The following LAMB1 variants were observed in gnomAD, a reference collection of about 807,000 sequenced individuals.
LAMB1 encodes the protein laminin subunit beta 1.
Under a neutral mutation model 222.3 loss-of-function variants are expected in LAMB1, and 121 were observed. The ratio of observed to expected loss-of-function variants is 0.54; its 90% CI spans 0.47 to 0.63. The LOEUF is 0.63. LAMB1 is among the 30% of genes least tolerant of loss of function. The probability of loss-of-function intolerance (pLI) is 0.00; values close to 1 mark genes in which losing one functional copy is unlikely to be tolerated. For synonymous variants in LAMB1, 794 were observed against 807.2 expected (o/e 0.98, Z 0.28); for missense variants, 2,172 against 2,240.8 (o/e 0.97, Z 0.62).
At position 107,957,534 on chromosome 7, in the gene LAMB1, G is replaced by C. The variant is rs143326500; in HGVS notation, c.2690+1715C>G. ...CTGTACTTCAGCCTGGGCAACAAGA[G>C]CAAAACTCCGTCTCAAAAAAATTTT... On this transcript the variant is annotated intron_variant, in intron 20 of 33. Transcript: ENST00000222399. 3.7e-3 allele frequency among the ~76,000 whole-genome samples: 568 copies of C among 152,320 alleles called. 1 individual carries two copies. Among genetic ancestry groups the C allele is most frequent in the Non-Finnish European group, 5.6e-3 (382 of 68,024 alleles).
chr7:107,994,519 A>T (rs2034248173), intron 5 of LAMB1, among the ~76,000 whole-genome samples: 1 of 152,204 alleles, frequency 6.6e-6, no homozygotes. Flanking sequence ...CTTCCTTTCC[A>T]GTTACCAAAG....
At chr7:107,999,241 A>G (rs1221239261) in intron 3 of LAMB1, among the ~76,000 whole-genome samples, 1 of 152,228 alleles carries the variant, frequency 6.6e-6, no homozygotes, top group East Asian at 1.9e-4. Flanking sequence ...TGGGAGCCAG[A>G]GCCACCTGGG....
intron 27 of LAMB1, among the ~76,000 whole-genome samples, chr7:107,933,874 C>T (rs1488752919): frequency 1.3e-5 from 2 of 152,196 alleles, no homozygotes; most frequent in African/African-American, 2.4e-5. Context: ...ACCCCACCCA[C>T]CGCCCATGCA....
rs111575662 is a variant in LAMB1 at position 107,961,312 on chromosome 7, C to T, written c.2003G>A (p.Arg668Gln). ...SPGSRYVVLP[R>Q]PVCFEKGTNY... ...TGTTCCCTTCTCAAAGCACACCGGC[C>T]GAGGAAGGACGACATATCTGCCCCC... is the stretch of plus-strand genomic sequence containing the variant. The change falls in exon 17 of 34, where the codon CGG (arginine) becomes CAG (glutamine). Residue 668 changes from arginine to glutamine, a missense_variant. By Grantham distance (43) the Arg-to-Gln change is conservative. Transcript: ENST00000222399. 30 of 1,613,882 alleles carry T rather than the reference C, an allele frequency of 1.9e-5. No homozygotes were observed. Among genetic ancestry groups the T allele is most frequent in the South Asian group, 5.5e-5 (5 of 91,040 alleles).
chr7:107,936,254 A>T (rs2032843827), intron 26 of LAMB1: 1 of 152,308 alleles, frequency 6.6e-6, no homozygotes, highest in African/African-American at 2.4e-5. Flanking sequence ...AAAAGAAAAA[A>T]GTAAAGCTGG....
At chr7:107,977,948 C>A in intron 9 of LAMB1, 99 bp downstream of exon 9, 1 of 1,380,340 alleles carries the variant, frequency 7.2e-7, no homozygotes, top group Admixed American at 1.9e-5. Flanking sequence ...AGTAACTTTT[C>A]TACCCTCTGC....
chr7:107,974,177 C>G (rs1184468321), intron 12 of LAMB1, among the ~76,000 whole-genome samples: 2 of 151,814 alleles, frequency 1.3e-5, no homozygotes. Flanking sequence ...GTAGTGAATC[C>G]TCCCTAAATT....
chr7:107,954,557 G>C (rs185758023), intron 21 of LAMB1, among the ~76,000 whole-genome samples: 1 of 152,052 alleles, frequency 6.6e-6, no homozygotes, highest in Admixed American at 6.5e-5. Context: ...GGTGGATCAC[G>C]AAGTCAGGAG....
chr7:107,944,940 C>T (rs2033084599), intron 24 of LAMB1, among the ~76,000 whole-genome samples: 2 of 152,120 alleles, frequency 1.3e-5, no homozygotes, highest in Admixed American at 6.5e-5. Context: ...GAATCAGAAT[C>T]CAAATGACCT....
chr7:107,974,864 C>T lies in LAMB1; in HGVS notation c.1482+122G>A, dbSNP rs2033819522. On this transcript the variant is annotated intron_variant, in intron 12 of 33. Transcript: ENST00000222399. ...TAATTCCTATTGTGTGCATTGTCTA[C>T]TCATGTCTTTTAACACGTACACGTG... 7 of 643,344 alleles carry T rather than the reference C, an allele frequency of 1.1e-5. No homozygotes were observed. The South Asian group carries it at 1.3e-4, about 12-fold the overall frequency. The allele number at this position is 643,344 out of a possible 1,614,324, so 39.9% of individuals were successfully genotyped here.
Position 107,940,031 on chromosome 7 carries a change from G to T in LAMB1, c.3719C>A (p.Ala1240Glu). The T allele has an allele frequency of 6.2e-7, 1 of 1,614,082 alleles. No homozygotes were observed. The highest frequency in any genetic ancestry group is 1.3e-5 in the African/African-American group (1 of 75,032). Residue 1240 changes from alanine to glutamate, a missense_variant, in exon 25 of 34, where the codon GCA becomes GAA. Coordinates refer to ENST00000222399, the MANE Select transcript of LAMB1 (RefSeq NM_002291.3). ...ATTCCCAATGTTTTTCAGTGGCTCT[G>T]CTGCGGGGCTCTGCGCCAGGATGTC... ...IKDILAQSPA[A>E]EPLKNIGNLF...
chr7:107,943,296 G>A (rs2033035404), intron 24 of LAMB1, among the ~76,000 whole-genome samples: 1 of 152,120 alleles, frequency 6.6e-6, no homozygotes, highest in South Asian at 2.1e-4. Context: ...GTATGCCAAA[G>A]TCATTTGACC....
chr7:107,977,338 C>A (rs560888230), intron 9 of LAMB1, among the ~76,000 whole-genome samples: 30 of 152,226 alleles, frequency 2.0e-4, no homozygotes, highest in African/African-American at 6.5e-4. Context: ...CATCTCCACC[C>A]GGAGAAAACC....
intron 24 of LAMB1, among the ~76,000 whole-genome samples, chr7:107,945,335 T>C (rs139714537): frequency 9.2e-5 from 14 of 152,362 alleles, no homozygotes; most frequent in African/African-American, 2.4e-5. Flanking sequence ...ATTTATCACA[T>C]AGACCTAACT....
At chr7:107,978,647 G>GA (rs1563001336) in intron 8 of LAMB1, among the ~76,000 whole-genome samples, 4 of 151,584 alleles carry the variant, frequency 2.6e-5, no homozygotes, top group African/African-American at 9.7e-5. Context: ...GCTTATTTTA[G>GA]TTTTTTTTAC....
intron 4 of LAMB1, among the ~76,000 whole-genome samples, chr7:107,997,923 T>C (rs1379906905): frequency 6.6e-6 from 1 of 151,972 alleles, no homozygotes; most frequent in Admixed American, 6.6e-5. Flanking sequence ...ACTATTACTA[T>C]CAAGACACTT....
intron 4 of LAMB1, among the ~76,000 whole-genome samples, chr7:107,995,209 G>C (rs2034260701): frequency 6.6e-6 from 1 of 152,128 alleles, no homozygotes; most frequent in Non-Finnish European, 1.5e-5. Context: ...CTGCTCACTG[G>C]AACAAGACAT....
Position 108,001,682 on chromosome 7 carries a change from C to A in LAMB1, c.89G>T (p.Cys30Phe). 6.2e-7 allele frequency: 1 copy of A among 1,612,594 alleles called. No individual in the cohort carries two copies. The highest frequency in any genetic ancestry group is 1.1e-5 in the South Asian group (1 of 90,878). Residue 30 changes from cysteine (C) to phenylalanine (F), a missense_variant, in exon 3 of 34, where the codon TGC becomes TTC. Physicochemically the swap from Cys to Phe is radical, Grantham distance 205 (BLOSUM62 -2). Coordinates refer to ENST00000222399, the MANE Select transcript of LAMB1 (RefSeq NM_002291.3). Reference protein sequence around the residue: ...RAQEPEFSYGCAEGSCYPATG... With the variant: ...RAQEPEFSYGFAEGSCYPATG... Reference sequence around the variant, plus strand: ...GGCGGGATAGCAGCTGCCTTCTGCGCAGCCGTAGCTGAACTCGGGTTCCTG... The same window carrying A: ...GGCGGGATAGCAGCTGCCTTCTGCGAAGCCGTAGCTGAACTCGGGTTCCTG...
Position 107,925,138 on chromosome 7 carries a change from A to T in LAMB1, c.5065-749T>A, listed in dbSNP as rs148835402. On this transcript the variant is annotated intron_variant, in intron 32 of 33. Coordinates refer to ENST00000222399, the MANE Select transcript of LAMB1 (RefSeq NM_002291.3). ...TCTCATTGTTTTGTTCTCTTTCCCAACCTAGAGAGAGGTAGGGAAAGTTAC... is the reference window on the plus strand; with the variant it reads ...TCTCATTGTTTTGTTCTCTTTCCCATCCTAGAGAGAGGTAGGGAAAGTTAC... 3.2e-3 allele frequency among the ~76,000 whole-genome samples: 494 copies of T among 152,302 alleles called. 2 individuals carry two copies. The highest frequency in any genetic ancestry group is 0.011 in the African/African-American group (477 of 41,566).
Sources: gnomAD v4.1 joint callset for allele counts (sites outside exome capture counted in the v4.1 genomes callset) on GRCh38, gnomAD v4.1.1 for gene constraint, MANE v1.5 for transcripts, NCBI Gene and HGNC (gene_info 2026-07-23, HGNC 2026-07-21) for gene names.